Variants in PARPBP observed in about 807,000 individuals in gnomAD.
PARPBP encodes the protein PARP1 binding protein.
A neutral mutation model predicts 50.0 loss-of-function variants in PARPBP; 52 were observed. The observed-to-expected ratio is 1.04, with a 90% CI of 0.83 to 1.31. The LOEUF is 1.31. Among genes scored for constraint, PARPBP ranks in the 50% most tolerant of loss-of-function variants. The pLI is 0.00. For synonymous variants in PARPBP, 244 were observed against 232.1 expected, an observed-to-expected ratio of 1.05 and a Z score of -0.47; for missense variants, 697 against 672.0, an observed-to-expected ratio of 1.04 and a Z score of -0.41.
intron 9 of PARPBP, among the ~76,000 whole-genome samples, chr12:102,192,086 C>T (rs151294333): frequency 3.3e-3 from 502 of 152,080 alleles, no homozygotes; most frequent in African/African-American, 0.01. Flanking sequence ...ATGTAGGTTG[C>T]GTTGTTTAAA....
intron 1 of PARPBP, 128 bp downstream of exon 1, chr12:102,120,414 GGTGCA>G: frequency 4.4e-6 from 2 of 455,976 alleles, no homozygotes; most frequent in South Asian, 3.1e-5. Flanking sequence ...GAAGTATTAT[GGTGCA>G]GTGACTTGAC....
chr12:102,158,018 G>T (rs575220981), intron 4 of PARPBP, among the ~76,000 whole-genome samples: 31 of 151,564 alleles, frequency 2.0e-4, no homozygotes, highest in African/African-American at 7.3e-4. Context: ...TACTCTGGAG[G>T]CTGAGGCAGG....
At chr12:102,161,413 A>T (rs1887575162) in intron 4 of PARPBP, among the ~76,000 whole-genome samples, 2 of 152,128 alleles carry the variant, frequency 1.3e-5, no homozygotes, top group African/African-American at 4.8e-5. Flanking sequence ...GCCTCAGGTA[A>T]GTTTTTCTTA....
chr12:102,175,483 C>T lies in PARPBP; in HGVS notation c.822C>T (p.Ser274=). ...DEILGEIPNP[S]IAGGQILSVI... is the part of the protein sequence containing the mutation. ...GAGGCAATCTAATTTCTATTTTCAGCATTGCAGGGGGTCAAATACTGTCAG... is the reference window on the plus strand; with the variant it reads ...GAGGCAATCTAATTTCTATTTTCAGTATTGCAGGGGGTCAAATACTGTCAG... The change falls in exon 7 of 11, where the codon AGC becomes AGT. Residue 274 remains serine, a splice_region_variant and synonymous_variant. Coordinates refer to ENST00000327680, the MANE Select transcript of PARPBP (RefSeq NM_017915.5). 6.2e-7 allele frequency: 1 copy of T among 1,605,632 alleles called. No individual in the cohort carries two copies. The highest frequency in any genetic ancestry group is 8.5e-7 in the Non-Finnish European group (1 of 1,173,704).
intron 2 of PARPBP, among the ~76,000 whole-genome samples, chr12:102,142,982 A>G (rs558533649): frequency 4.6e-5 from 7 of 152,282 alleles, no homozygotes; most frequent in South Asian, 2.1e-4. Flanking sequence ...TCAGATCTCA[A>G]ACTCCATGCT....
intron 8 of PARPBP, 32 bp from the exon 9 acceptor site, chr12:102,182,517 A>G: frequency 1.4e-6 from 2 of 1,456,798 alleles, no homozygotes; most frequent in South Asian, 2.4e-5. Flanking sequence ...AACCATAGCA[A>G]TAAATTTTTG....
chr12:102,189,695 G>C (rs1565905095), intron 9 of PARPBP, among the ~76,000 whole-genome samples: 1 of 152,088 alleles, frequency 6.6e-6, no homozygotes, highest in Non-Finnish European at 1.5e-5. Flanking sequence ...CCTTGCTGTT[G>C]TAAAGAGAAT....
chr12:102,129,373 T>A (rs1247057096), intron 2 of PARPBP, among the ~76,000 whole-genome samples: 1 of 152,146 alleles, frequency 6.6e-6, no homozygotes, highest in African/African-American at 2.4e-5. Flanking sequence ...TGATACATGA[T>A]TTGGATATAT....
intron 4 of PARPBP, among the ~76,000 whole-genome samples, chr12:102,161,108 T>G (rs967669860): frequency 2.9e-5 from 4 of 137,230 alleles, no homozygotes; most frequent in Non-Finnish European, 6.2e-5. Flanking sequence ...TTATCCCAGG[T>G]AAGTTTTTTT....
chr12:102,192,534 CT>C (rs1890890643), intron 9 of PARPBP, among the ~76,000 whole-genome samples: 1 of 152,032 alleles, frequency 6.6e-6, no homozygotes, highest in Non-Finnish European at 1.5e-5. Flanking sequence ...ATTTAAATCT[CT>C]AGGTCTTTTA....
intron 4 of PARPBP, among the ~76,000 whole-genome samples, chr12:102,162,653 T>C (rs1280810860): frequency 6.6e-6 from 1 of 152,096 alleles, no homozygotes; most frequent in Non-Finnish European, 1.5e-5. Flanking sequence ...GGACCTTTTC[T>C]CTACAAAAAA....
intron 3 of PARPBP, chr12:102,151,878 GA>G: frequency 9.4e-7 from 1 of 1,065,992 alleles, no homozygotes; most frequent in South Asian, 1.4e-5. Context: ...AAGCTGAGAA[GA>G]AGGAACCAGG....
In PARPBP at chr12:102,179,075, A is replaced by G. The variant is rs529443116; in HGVS notation, c.1184+305A>G. ...GAATTTTGCTAAATGTTTCAGTTAA[A>G]TTATTTCAGCCTTCCCAACCAACAT... On this transcript the variant is annotated intron_variant, in intron 8 of 10. Transcript: ENST00000327680. 1.3e-4 allele frequency among the ~76,000 whole-genome samples: 20 copies of G among 152,298 alleles called. 1 individual carries two copies. Among genetic ancestry groups the G allele is most frequent in the African/African-American group, 3.1e-4 (13 of 41,576 alleles).
chr12:102,174,190 C>G (rs1299911271), intron 6 of PARPBP, among the ~76,000 whole-genome samples: 1 of 151,858 alleles, frequency 6.6e-6, no homozygotes, highest in Non-Finnish European at 1.5e-5. Flanking sequence ...TAAGAATCAC[C>G]TGTGGTACTT....
chr12:102,191,960 G>A (rs1048670756), intron 9 of PARPBP, among the ~76,000 whole-genome samples: 1 of 152,096 alleles, frequency 6.6e-6, no homozygotes, highest in African/African-American at 2.4e-5. Flanking sequence ...GAGAGATTTG[G>A]AAGATTTGCA....
intron 3 of PARPBP, among the ~76,000 whole-genome samples, chr12:102,153,176 G>A (rs1886439952): frequency 6.6e-6 from 1 of 152,118 alleles, no homozygotes; most frequent in South Asian, 2.1e-4. Context: ...CATGCAGGAC[G>A]ACAGCTTTGA....
At chr12:102,122,852 A>G (rs934018420) in intron 1 of PARPBP, among the ~76,000 whole-genome samples, 6 of 152,232 alleles carry the variant, frequency 3.9e-5, no homozygotes, top group African/African-American at 1.4e-4. Flanking sequence ...CGAGTGAGGT[A>G]ATCAATATTA....
At chr12:102,151,857 A>T in intron 3 of PARPBP, 6 of 1,270,472 alleles carry the variant, frequency 4.7e-6, no homozygotes, top group Non-Finnish European at 6.6e-6. Context: ...CCTGGCACCA[A>T]CTCACTGTCC....
chr12:102,155,142 T>G (rs986293399), intron 4 of PARPBP: 3 of 179,538 alleles, frequency 1.7e-5, no homozygotes, highest in Non-Finnish European at 3.6e-5. Flanking sequence ...TGATGTCTTA[T>G]GTCTCTCTAA....
Sources: allele counts gnomAD v4.1 joint callset (sites outside exome capture counted in the v4.1 genomes callset), GRCh38; gene constraint gnomAD v4.1.1; transcripts MANE v1.5; gene names NCBI Gene and HGNC (gene_info 2026-07-23, HGNC 2026-07-21).